Variants in NCOR1 observed in about 807,000 individuals in gnomAD.
NCOR1 encodes the protein protein phosphatase 1, regulatory subunit 109.
NCOR1 carries 63 observed loss-of-function variants against 288.1 expected under a neutral mutation model. That is an observed-to-expected ratio of 0.22 (90% CI 0.18 to 0.27). The LOEUF (loss-of-function observed/expected upper bound fraction) is 0.27. NCOR1 is among the 10% of genes least tolerant of loss of function. The probability of loss-of-function intolerance (pLI) is 1.00; values close to 1 mark genes in which losing one functional copy is unlikely to be tolerated. For missense variants in NCOR1, 2,397 were observed against 3,019.2 expected (o/e 0.79, Z 4.83); for synonymous variants, 1,007 against 1,065.9 (o/e 0.94, Z 1.08).
intron 40 of NCOR1, 180 bp from the exon 41 acceptor site, chr17:16,049,168 CAAAA>C (rs373057240): frequency 2.3e-6 from 1 of 429,032 alleles, no homozygotes; most frequent in Non-Finnish European, 3.9e-6. Context: ...CAAACAACAA[CAAAA>C]AAAACCACTG....
rs1205227373 is a variant in NCOR1 at position 16,101,417 on chromosome 17, G to A, written c.2523C>T (p.Thr841=). The A allele has an allele frequency of 5.0e-6, 8 of 1,613,976 alleles. No homozygotes were observed. The South Asian group carries it at 7.7e-5, about 16-fold the overall frequency. The change falls in exon 20 of 46, where the codon ACC becomes ACT. Residue 841 remains threonine (T), a synonymous_variant. Transcript: ENST00000268712. ...TGGCTCTATCCAAGTCTCTTTCTTT[G>A]GTATTATCACCTTCAACTTTAGATG... The part of the protein sequence containing the change: ...NHASKVEGDN[T]KERDLDRASE...
intron 1 of NCOR1, among the ~76,000 whole-genome samples, chr17:16,214,153 A>T (rs907645481): frequency 6.6e-6 from 1 of 152,224 alleles, no homozygotes; most frequent in Non-Finnish European, 1.5e-5. Flanking sequence ...TAACATTCTA[A>T]AATTGGTCTG....
At position 16,070,312 on chromosome 17, in the gene NCOR1, G is replaced by T; in HGVS notation, c.4366C>A (p.Pro1456Thr). ...SRHTSVVSSGPSVLRSTLHEA... is the reference protein window; with the variant it reads ...SRHTSVVSSGTSVLRSTLHEA... Reference sequence around the variant, plus strand: ...TGCAGTGTGGACCTAAGAACGGAGGGGCCAGAGCTTACCACTGACGTGTGC... The same window carrying T: ...TGCAGTGTGGACCTAAGAACGGAGGTGCCAGAGCTTACCACTGACGTGTGC... The change falls in exon 31 of 46, where the codon CCC becomes ACC. Residue 1456 changes from proline (P) to threonine (T), a missense_variant. Pro to Thr is a conservative substitution (Grantham distance 38). Coordinates refer to ENST00000268712, the MANE Select transcript of NCOR1 (RefSeq NM_006311.4). 1 of 1,614,024 alleles carries T rather than the reference G, an allele frequency of 6.2e-7. No individual in the cohort carries two copies. The highest frequency in any genetic ancestry group is 1.1e-5 in the South Asian group (1 of 91,068).
Position 16,052,875 on chromosome 17 carries a change from C to A in NCOR1, c.6393-3887G>T, listed in dbSNP as rs1377101115. Among the ~76,000 whole-genome samples, 3 of 152,128 alleles carry A rather than the reference C, an allele frequency of 2.0e-5. No individual in the cohort carries two copies. The East Asian group carries it at 5.8e-4, about 29-fold the overall frequency. On this transcript the variant is annotated intron_variant, in intron 40 of 45. Transcript: ENST00000268712. ...CAAAATACTGGCAAACCAAACCCAG[C>A]AAAATATTAAAAAGCTTATCCACCA...
intron 5 of NCOR1, among the ~76,000 whole-genome samples, chr17:16,160,575 G>C (rs2080629159): frequency 6.6e-6 from 1 of 152,124 alleles, no homozygotes; most frequent in Non-Finnish European, 1.5e-5. Context: ...TAGATCACTT[G>C]AGCCCAGGAG....
chr17:16,053,121 T>C (rs1205626456), intron 40 of NCOR1, among the ~76,000 whole-genome samples: 2 of 152,224 alleles, frequency 1.3e-5, no homozygotes, highest in African/African-American at 2.4e-5. Flanking sequence ...AGCATTCCTC[T>C]TGAAAGCCAG....
chr17:16,165,386 G>A (rs117460600), intron 4 of NCOR1, among the ~76,000 whole-genome samples: 1,728 of 152,270 alleles, frequency 0.011, 16 homozygotes, highest in Middle Eastern at 0.024. Flanking sequence ...GCTATACAAA[G>A]TGAGGTGAGT....
At chr17:16,154,031 T>A (rs1013168946) in intron 6 of NCOR1, among the ~76,000 whole-genome samples, 3 of 146,166 alleles carry the variant, frequency 2.1e-5, no homozygotes, top group Non-Finnish European at 4.5e-5. Context: ...TTTTTTTTTT[T>A]TTTTTTTTTA....
At chr17:16,179,852 A>C (rs1310223064) in intron 3 of NCOR1, among the ~76,000 whole-genome samples, 2 of 151,946 alleles carry the variant, frequency 1.3e-5, no homozygotes, top group African/African-American at 2.4e-5. Flanking sequence ...TGTCTCTACT[A>C]AAAGTACAAA....
chr17:16,071,295 T>A, intron 30 of NCOR1, 114 bp downstream of exon 30: 1 of 1,426,224 alleles, frequency 7.0e-7, no homozygotes, highest in East Asian at 2.3e-5. Context: ...GAAACTTTCA[T>A]GTTTACTTCC....
rs1418695181 is a variant in NCOR1 at position 16,215,351 on chromosome 17, G to A, written c.-71+11C>T. On this transcript the variant is annotated intron_variant, in intron 1 of 45. Coordinates refer to ENST00000268712, the MANE Select transcript of NCOR1 (RefSeq NM_006311.4). ...CGGAGGCCGGGGTTGCAGGCGCCAG[G>A]GCCTACTCACCGGGAGCTGGCTAAG... 18 of 393,538 alleles carry A rather than the reference G, an allele frequency of 4.6e-5. No individual in the cohort carries two copies. Among genetic ancestry groups the A allele is most frequent in the Non-Finnish European group, 7.6e-5 (17 of 223,030 alleles). 24.4% of individuals were successfully genotyped at this position (393,538 alleles called of 1,614,324 possible). A position where few individuals can be genotyped will look rare whatever the true frequency, so the allele number is the denominator to read the frequency against.
chr17:16,094,056 C>A (rs540649520), intron 21 of NCOR1, among the ~76,000 whole-genome samples: 1 of 151,902 alleles, frequency 6.6e-6, no homozygotes, highest in East Asian at 1.9e-4. Context: ...TGGCACCATG[C>A]GGAGCTAATT....
chr17:16,209,068 T>A (rs556420642), intron 1 of NCOR1, among the ~76,000 whole-genome samples: 1,864 of 151,968 alleles, frequency 0.012, 43 homozygotes, highest in African/African-American at 0.042. Context: ...GAAGAAAAAA[T>A]TTTTTAAAAA....
intron 20 of NCOR1, among the ~76,000 whole-genome samples, chr17:16,100,993 T>G (rs948492313): frequency 2.0e-5 from 3 of 152,230 alleles, no homozygotes; most frequent in African/African-American, 7.2e-5. Context: ...TAGTTGAAAT[T>G]CCCTGTTATG....
At chr17:16,192,798 T>A (rs2088782947) in intron 2 of NCOR1, among the ~76,000 whole-genome samples, 1 of 152,196 alleles carries the variant, frequency 6.6e-6, no homozygotes, top group African/African-American at 2.4e-5. Context: ...ATTTTACTTA[T>A]AATAATCAAA....
At position 16,080,026 on chromosome 17, in the gene NCOR1, C is replaced by T; in HGVS notation, c.3439G>A (p.Gly1147Arg). 1.9e-6 allele frequency: 3 copies of T among 1,613,988 alleles called. No homozygotes were observed. Among genetic ancestry groups the T allele is most frequent in the Non-Finnish European group, 1.7e-6 (2 of 1,179,996 alleles). Residue 1147 changes from glycine to arginine, a missense_variant, in exon 26 of 46, where the codon GGA becomes AGA. Transcript: ENST00000268712. ...GAIQEGSITR[G>R]TPTSKISVES... The stretch of plus-strand genomic sequence containing the variant: ...ACTGAAATTTTGCTGGTTGGAGTTC[C>T]CCGAGTTATACTTCCTTCTTGTATG...
In NCOR1 at chr17:16,040,050, A is replaced by C. The variant is rs975624126; in HGVS notation, c.6733+391T>G. 1.5e-5 allele frequency: 6 copies of C among 412,106 alleles called. No homozygotes were observed. In the Admixed American group the frequency reaches 1.6e-4, roughly 11 times the overall value. 25.5% of individuals were successfully genotyped at this position (412,106 alleles called of 1,614,324 possible). On this transcript the variant is annotated intron_variant, in intron 43 of 45. Coordinates refer to ENST00000268712, the MANE Select transcript of NCOR1 (RefSeq NM_006311.4). ...GGTGATCCGCCCGCCTTGGCCTCCCAAAGTGCTGGGATTACAGGCGTGAGC... is the reference window on the plus strand; with the variant it reads ...GGTGATCCGCCCGCCTTGGCCTCCCCAAGTGCTGGGATTACAGGCGTGAGC...
intron 4 of NCOR1, among the ~76,000 whole-genome samples, chr17:16,166,042 G>T (rs191393851): frequency 1.3e-5 from 2 of 152,304 alleles, no homozygotes; most frequent in Non-Finnish European, 2.9e-5. Context: ...GCATACAAGA[G>T]ATAACTGGAC....
chr17:16,151,220 ATATC>A (rs1568346266), intron 8 of NCOR1, among the ~76,000 whole-genome samples: 4 of 149,426 alleles, frequency 2.7e-5, no homozygotes, highest in Non-Finnish European at 6.0e-5. Context: ...TAAAAAAAAG[ATATC>A]TATCTAGCTT....
Sources: allele counts gnomAD v4.1 joint callset (sites outside exome capture counted in the v4.1 genomes callset), GRCh38; gene constraint gnomAD v4.1.1; transcripts MANE v1.5; gene names NCBI Gene and HGNC (gene_info 2026-07-23, HGNC 2026-07-21).